The following CTNNA2 variants were observed in gnomAD, a reference collection of about 807,000 sequenced individuals.
CTNNA2 encodes the protein catenin alpha-2.
A neutral mutation model predicts 101.0 loss-of-function variants in CTNNA2; 42 were observed. The observed-to-expected ratio is 0.42, with a 90% CI of 0.32 to 0.54. The LOEUF (loss-of-function observed/expected upper bound fraction) is 0.54. Ranked by LOEUF, CTNNA2 falls within the 20% of genes least tolerant of loss-of-function variation. The pLI is 0.14. For synonymous variants in CTNNA2, 450 were observed against 456.4 expected, an observed-to-expected ratio of 0.99 and a Z score of 0.18; for missense variants, 871 against 1,223.1, an observed-to-expected ratio of 0.71 and a Z score of 4.29.
intron 8 of CTNNA2, among the ~76,000 whole-genome samples, chr2:80,395,533 TCTAAATTGAAGCTAC>T (rs1047484436): frequency 6.6e-6 from 1 of 152,160 alleles, no homozygotes; most frequent in Non-Finnish European, 1.5e-5. Flanking sequence ...GCTTCTCTGA[TCTAAATTGAAGCTAC>T]CTAGCACTTG....
chr2:79,929,636 A>C (rs991693240), intron 7 of CTNNA2, among the ~76,000 whole-genome samples: 3 of 152,232 alleles, frequency 2.0e-5, no homozygotes, highest in African/African-American at 7.2e-5. Flanking sequence ...ATAATTTTCT[A>C]GACATGCATC....
At chr2:80,236,540 A>C (rs1268035062) in intron 7 of CTNNA2, among the ~76,000 whole-genome samples, 1 of 152,170 alleles carries the variant, frequency 6.6e-6, no homozygotes, top group East Asian at 1.9e-4. Flanking sequence ...CCTGCTTGCA[A>C]ATGAAGACTC....
intron 8 of CTNNA2, among the ~76,000 whole-genome samples, chr2:80,404,706 C>T (rs1367540549): frequency 1.3e-5 from 2 of 152,250 alleles, no homozygotes; most frequent in African/African-American, 4.8e-5. Flanking sequence ...TATGGGTCTT[C>T]CCAGGGCAAG....
At chr2:80,004,893 G>C (rs1693222953) in intron 7 of CTNNA2, among the ~76,000 whole-genome samples, 1 of 152,046 alleles carries the variant, frequency 6.6e-6, no homozygotes, top group Non-Finnish European at 1.5e-5. Flanking sequence ...AGTAGAGATG[G>C]GGTTTCACCA....
At chr2:80,157,588 G>A (rs948359248) in intron 7 of CTNNA2, among the ~76,000 whole-genome samples, 2 of 152,046 alleles carry the variant, frequency 1.3e-5, no homozygotes, top group Non-Finnish European at 2.9e-5. Context: ...GCAAATGAAT[G>A]GTTTCTATTT....
intron 4 of CTNNA2, among the ~76,000 whole-genome samples, chr2:79,483,708 C>G (rs1043329466): frequency 2.6e-5 from 4 of 152,184 alleles, no homozygotes; most frequent in Non-Finnish European, 5.9e-5. Flanking sequence ...TGGTCTCCAC[C>G]TCCATCCAGG....
At chr2:80,070,717 C>CA (rs70940074) in intron 7 of CTNNA2, among the ~76,000 whole-genome samples, 118,291 of 140,442 alleles carry the variant, frequency 0.84, 50,182 homozygotes, top group African/African-American at 0.94. Flanking sequence ...GACCCTGTCT[C>CA]AAAAAAAAAA....
intron 1 of CTNNA2, among the ~76,000 whole-genome samples, chr2:79,563,189 T>TATATATATATATATATATATATA (rs879673133): frequency 1.1e-3 from 45 of 40,312 alleles, no homozygotes; most frequent in African/African-American, 2.1e-3. Flanking sequence ...ATATATATAT[T>TATATATATATATATATATATATA]TTCCTTCATT....
At chr2:79,579,836 ACTC>A (rs1218992027) in intron 1 of CTNNA2, among the ~76,000 whole-genome samples, 1 of 151,712 alleles carries the variant, frequency 6.6e-6, no homozygotes, top group East Asian at 1.9e-4. Context: ...CTGGTCTTAA[ACTC>A]CTGACCTCAG....
intron 3 of CTNNA2, among the ~76,000 whole-genome samples, chr2:79,855,554 A>G (rs1681064849): frequency 6.6e-6 from 1 of 152,050 alleles, no homozygotes; most frequent in African/African-American, 2.4e-5. Flanking sequence ...AATATATTGG[A>G]TTAGGCATGG....
intron 1 of CTNNA2, among the ~76,000 whole-genome samples, chr2:79,519,581 A>G (rs1352746307): frequency 6.6e-6 from 1 of 152,114 alleles, no homozygotes; most frequent in Non-Finnish European, 1.5e-5. Context: ...ATAATTCTAC[A>G]TGTGTTTTTT....
intron 2 of CTNNA2, among the ~76,000 whole-genome samples, chr2:79,709,015 C>A (rs1002949747): frequency 6.6e-6 from 1 of 152,130 alleles, no homozygotes; most frequent in Non-Finnish European, 1.5e-5. Flanking sequence ...CCTGTTTAAT[C>A]TGAGGATTTC....
At chr2:80,262,731 T>C (rs1001020468) in intron 7 of CTNNA2, among the ~76,000 whole-genome samples, 1 of 152,214 alleles carries the variant, frequency 6.6e-6, no homozygotes, top group Admixed American at 6.5e-5. Flanking sequence ...AATGCCTTAA[T>C]TAACAACATA....
intron 7 of CTNNA2, among the ~76,000 whole-genome samples, chr2:80,192,759 C>T (rs923362796): frequency 3.9e-5 from 6 of 152,142 alleles, no homozygotes; most frequent in East Asian, 1.9e-4. Flanking sequence ...GTGATCCACC[C>T]GCCTCGGCCT....
At chr2:79,349,462 C>G (rs80317828) in intron 3 of CTNNA2, among the ~76,000 whole-genome samples, 16,000 of 152,070 alleles carry the variant, frequency 0.11, 1,090 homozygotes, top group East Asian at 0.35. Flanking sequence ...TTGCTCTAGC[C>G]TTTGAAGACT....
rs1690860555 is a variant in CTNNA2, at chr2:80,534,838, A to G, written c.1291-10144A>G. On this transcript the variant is annotated intron_variant, in intron 9 of 18. Coordinates refer to ENST00000402739, the MANE Select transcript of CTNNA2 (RefSeq NM_001282597.3). ...CTGATGCAGAAATTTCACTTCCGAC[A>G]GGAGCAAAAACTAGATGCCTAAAGA... 2.0e-5 allele frequency among the ~76,000 whole-genome samples: 3 copies of G among 152,192 alleles called. No individual in the cohort carries two copies. The South Asian group carries it at 6.2e-4, about 31-fold the overall frequency.
At chr2:80,290,906 C>T (rs1330899873) in intron 7 of CTNNA2, among the ~76,000 whole-genome samples, 2 of 152,208 alleles carry the variant, frequency 1.3e-5, no homozygotes, top group African/African-American at 4.8e-5. Context: ...ACGTAAAACA[C>T]TAAACTGACG....
chr2:79,999,446 C>T (rs1363210790), intron 7 of CTNNA2, among the ~76,000 whole-genome samples: 1 of 152,200 alleles, frequency 6.6e-6, no homozygotes, highest in Non-Finnish European at 1.5e-5. Context: ...ATCTTGGAAA[C>T]ATGTTCCTTC....
At chr2:80,021,782 C>T (rs922520178) in intron 7 of CTNNA2, among the ~76,000 whole-genome samples, 4 of 151,920 alleles carry the variant, frequency 2.6e-5, no homozygotes, top group African/African-American at 9.7e-5. Flanking sequence ...ATACATAGGC[C>T]ACCGTGTTAT....
Sources: gnomAD v4.1 joint callset for allele counts (sites outside exome capture counted in the v4.1 genomes callset) on GRCh38, gnomAD v4.1.1 for gene constraint, MANE v1.5 for transcripts, NCBI Gene and HGNC (gene_info 2026-07-23, HGNC 2026-07-21) for gene names.